GSDMC: variants seen among roughly 807,000 people sequenced by gnomAD.
GSDMC encodes gasdermin C, also known as gasdermin-C.
A neutral mutation model predicts 58.0 loss-of-function variants in GSDMC; 59 were observed. The ratio of observed to expected loss-of-function variants is 1.02; its 90% CI spans 0.82 to 1.26. GSDMC has a LOEUF of 1.26. GSDMC is among the 50% of genes most tolerant of loss of function. The pLI, the probability that GSDMC is intolerant of heterozygous loss-of-function variation, is 0.00. For synonymous variants in GSDMC, 241 were observed against 220.2 expected, an observed-to-expected ratio of 1.09 and a Z score of -0.83; for missense variants, 659 against 598.5, an observed-to-expected ratio of 1.10 and a Z score of -1.06.
chr8:129,765,747 T>C lies in GSDMC; in HGVS notation c.451A>G (p.Arg151Gly). 6.2e-7 allele frequency: 1 copy of C among 1,613,794 alleles called. No individual in the cohort carries two copies. The highest frequency in any genetic ancestry group is 1.1e-5 in the South Asian group (1 of 91,072). The change falls in exon 4 of 14, where the codon AGA (arginine) becomes GGA (glycine). Residue 151 changes from arginine to glycine, a missense_variant. Coordinates refer to ENST00000276708, the MANE Select transcript of GSDMC (RefSeq NM_031415.3). ...GTCACCACGTACAGGTTGTCCCCTC[T>C]CCTCCGGCACTCCTTCAGAAATGAT... ...EPSFLKECRR[R>G]GDNLYVVTEA...
At chr8:129,758,311 CAA>C (rs2033522462) in intron 6 of GSDMC, among the ~76,000 whole-genome samples, 1 of 152,128 alleles carries the variant, frequency 6.6e-6, no homozygotes, top group Non-Finnish European at 1.5e-5. Context: ...TGGAACATGA[CAA>C]AGAGGTCCAC....
chr8:129,751,611 C>T (rs117301865), intron 9 of GSDMC, 43 bp from the exon 10 acceptor site: 3 of 1,597,174 alleles, frequency 1.9e-6, no homozygotes, highest in Non-Finnish European at 2.6e-6. Context: ...CTCATCCCCC[C>T]AAATTTGCTT....
chr8:129,749,374 C>T (rs2033075396), intron 13 of GSDMC, 78 bp downstream of exon 13: 2 of 1,071,432 alleles, frequency 1.9e-6, no homozygotes, highest in Non-Finnish European at 2.9e-6. Flanking sequence ...TATCATCTCT[C>T]TTTCCTCAGA....
At chr8:129,754,957 C>T (rs577804050) in intron 6 of GSDMC, among the ~76,000 whole-genome samples, 78 of 152,112 alleles carry the variant, frequency 5.1e-4, no homozygotes, top group African/African-American at 1.7e-3. Flanking sequence ...ATGAAGCACA[C>T]ACATATGATC....
At chr8:129,730,199 T>C in the GSDMC span, 2 of 1,214,740 alleles carry the variant, frequency 1.6e-6, no homozygotes, top group African/African-American at 3.1e-5. Context: ...ACAACATGTA[T>C]CTAGAAGAAG....
intron 1 of GSDMC, among the ~76,000 whole-genome samples, chr8:129,785,516 T>C (rs1451745911): frequency 1.3e-5 from 2 of 151,454 alleles, no homozygotes; most frequent in Non-Finnish European, 2.9e-5. Flanking sequence ...GTGACTATAG[T>C]CAATAATTGT....
chr8:129,734,615 C>A, the GSDMC span, among the ~76,000 whole-genome samples: 10 of 152,176 alleles, frequency 6.6e-5, no homozygotes, highest in African/African-American at 2.4e-4. Flanking sequence ...CCTTTACAGA[C>A]AAGCAAATGC....
chr8:129,751,269 C>T (rs1160299168), intron 10 of GSDMC, among the ~76,000 whole-genome samples: 1 of 152,138 alleles, frequency 6.6e-6, no homozygotes, highest in African/African-American at 2.4e-5. Context: ...ACATCTGGCT[C>T]CCTCAGGGTG....
chr8:129,751,462 G>T, intron 10 of GSDMC, 80 bp downstream of exon 10: 2 of 1,188,038 alleles, frequency 1.7e-6, no homozygotes, highest in Non-Finnish European at 2.4e-6. Context: ...TTTCTGACTT[G>T]CATAGAAACC....
intron 5 of GSDMC, 58 bp downstream of exon 5, chr8:129,762,568 A>C: frequency 1.0e-6 from 1 of 983,168 alleles, no homozygotes; most frequent in Non-Finnish European, 1.7e-6. Context: ...TTTCTCTCAT[A>C]GGAGAAGCAG....
At chr8:129,745,507 C>G (rs763793776), downstream of GSDMC, among the ~76,000 whole-genome samples, 1 of 134,832 alleles carries the variant, frequency 7.4e-6, no homozygotes, top group Non-Finnish European at 1.5e-5. Context: ...CAGGCATCTT[C>G]CCGAATTATA....
At chr8:129,714,362 A>AGTC in the GSDMC span, among the ~76,000 whole-genome samples, 1 of 152,238 alleles carries the variant, frequency 6.6e-6, no homozygotes, top group Admixed American at 6.5e-5. Flanking sequence ...AGACAGAAAT[A>AGTC]GTCTGTTTTT....
the GSDMC span, among the ~76,000 whole-genome samples, chr8:129,723,530 T>C: frequency 1.3e-5 from 2 of 150,522 alleles, no homozygotes; most frequent in South Asian, 4.2e-4. Context: ...CCTCCAAAAG[T>C]GCTGGGATTA....
At chr8:129,712,315 A>G in the GSDMC span, among the ~76,000 whole-genome samples, 11 of 152,244 alleles carry the variant, frequency 7.2e-5, no homozygotes, top group Non-Finnish European at 1.6e-4. Context: ...TAGATGATAC[A>G]GACCGATGGA....
At chr8:129,709,507 CAGATGAT>C in the GSDMC span, among the ~76,000 whole-genome samples, 15 of 64,886 alleles carry the variant, frequency 2.3e-4, no homozygotes, top group African/African-American at 4.2e-4. Context: ...GATAGATAGA[CAGATGAT>C]AGATGATAGG....
At chr8:129,784,307 C>A (rs950524270) in intron 1 of GSDMC, among the ~76,000 whole-genome samples, 3 of 152,092 alleles carry the variant, frequency 2.0e-5, no homozygotes, top group East Asian at 1.9e-4. Context: ...AAAAAGAGAA[C>A]CCACAGAATG....
chr8:129,733,214 G>A, the GSDMC span, among the ~76,000 whole-genome samples: 1 of 132,960 alleles, frequency 7.5e-6, no homozygotes, highest in Non-Finnish European at 1.5e-5. Context: ...TGCCTCTGTA[G>A]ATTCCACCTC....
intron 12 of GSDMC, 111 bp downstream of exon 12, chr8:129,749,879 A>T: frequency 1.2e-6 from 1 of 846,102 alleles, no homozygotes; most frequent in Non-Finnish European, 1.8e-6. Flanking sequence ...TGTAAGGACG[A>T]AAGATCATGG....
downstream of GSDMC, among the ~76,000 whole-genome samples, chr8:129,748,005 A>G (rs1043465917): frequency 6.6e-6 from 1 of 152,096 alleles, no homozygotes; most frequent in African/African-American, 2.4e-5. Context: ...CGGACTCACA[A>G]AATGTTTCCA....
Sources: allele counts gnomAD v4.1 joint callset (sites outside exome capture counted in the v4.1 genomes callset), GRCh38; gene constraint gnomAD v4.1.1; transcripts MANE v1.5; gene names NCBI Gene and HGNC (gene_info 2026-07-23, HGNC 2026-07-21).